The following GDF1 variants were observed in gnomAD, a reference collection of about 807,000 sequenced individuals.
The protein encoded by GDF1 is embryonic growth/differentiation factor 1.
In GDF1, 8 loss-of-function variants were observed where a neutral mutation model predicts 7.4. The ratio of observed to expected loss-of-function variants is 1.09; its 90% CI spans 0.64 to 1.96. The LOEUF is 1.96. GDF1 is among the 30% of genes most tolerant of loss of function. GDF1 has a pLI of 0.00. For synonymous variants in GDF1, 311 were observed against 276.7 expected (o/e 1.12, Z -1.23); for missense variants, 574 against 551.5 (o/e 1.04, Z -0.41).
intron 6 of GDF1, among the ~76,000 whole-genome samples, chr19:18,877,692 T>C (rs1426082119): frequency 6.8e-6 from 1 of 147,428 alleles, no homozygotes; most frequent in African/African-American, 2.5e-5. Flanking sequence ...GAGGCGGCGG[T>C]TGCAGCGAGC....
chr19:18,889,179 A>G (rs1332613890), intron 2 of GDF1, among the ~76,000 whole-genome samples: 6 of 152,052 alleles, frequency 3.9e-5, no homozygotes, highest in South Asian at 4.1e-4. Flanking sequence ...GGTGTGAGCC[A>G]CTGCACCCGG....
At position 18,890,992 on chromosome 19, in the gene GDF1, C is replaced by A. The variant is rs887270529; in HGVS notation, c.-914+2424G>T. On this transcript the variant is annotated intron_variant, in intron 2 of 7. Transcript: ENST00000247005. ...TACAAAAATTAGCCGAGGGTGGTGG[C>A]GCGTGCCTATAATTCCAGCTACTTA... 2.0e-5 allele frequency among the ~76,000 whole-genome samples: 3 copies of A among 151,912 alleles called. No homozygotes were observed. In the South Asian group the frequency reaches 6.2e-4, roughly 32 times the overall value.
chr19:18,884,273 G>T lies in GDF1; in HGVS notation c.-913-6C>A. The T allele has an allele frequency of 6.2e-7, 1 of 1,608,504 alleles. No homozygotes were observed. The highest frequency in any genetic ancestry group is 1.1e-5 in the South Asian group (1 of 90,498). Reference sequence around the variant, plus strand: ...TGCCATGCCCGGCGTCCAGTCTGGGGAGAGCCAAATCTCACAGTCAGGGCC... The same window carrying T: ...TGCCATGCCCGGCGTCCAGTCTGGGTAGAGCCAAATCTCACAGTCAGGGCC... On this transcript the variant is annotated splice_polypyrimidine_tract_variant and splice_region_variant and intron_variant, in intron 2 of 7. Transcript: ENST00000247005.
intron 7 of GDF1, among the ~76,000 whole-genome samples, chr19:18,869,751 C>T (rs1449721448): frequency 1.3e-5 from 2 of 151,920 alleles, no homozygotes; most frequent in African/African-American, 4.8e-5. Context: ...GGGGTGGGGA[C>T]AGGGCTTCAG....
chr19:18,885,066 C>T (rs2056316997), intron 2 of GDF1, among the ~76,000 whole-genome samples: 1 of 152,102 alleles, frequency 6.6e-6, no homozygotes, highest in African/African-American at 2.4e-5. Context: ...GAAAATTGAG[C>T]AGATAGGACA....
chr19:18,869,022 C>T lies in GDF1; in HGVS notation c.694G>A (p.Glu232Lys). ...AGGGTCACCAGCAGCAGCGAGGCCT[C>T]GGCCAGGCGCGCGCAGGCGGCAGGG... ...RAPAACARLA[E>K]ASLLLVTLDP... The change falls in exon 8 of 8, where the codon GAG becomes AAG. Residue 232 changes from glutamate to lysine, a missense_variant. Physicochemically the swap from Glu to Lys is moderately conservative, Grantham distance 56. Coordinates refer to ENST00000247005, the MANE Select transcript of GDF1 (RefSeq NM_001492.6). 9.2e-7 allele frequency: 1 copy of T among 1,081,954 alleles called. No individual in the cohort carries two copies. Among genetic ancestry groups the T allele is most frequent in the Non-Finnish European group, 1.1e-6 (1 of 893,102 alleles). 67.0% of individuals were successfully genotyped at this position (1,081,954 alleles called of 1,614,324 possible).
intron 1 of GDF1, among the ~76,000 whole-genome samples, 165 bp from the exon 2 acceptor site, chr19:18,893,740 C>T (rs909636005): frequency 7.9e-5 from 12 of 152,172 alleles, no homozygotes; most frequent in African/African-American, 2.9e-4. Context: ...CCCACAGGCG[C>T]CTGCCAAGGC....
rs763822282 is a variant in GDF1 at position 18,870,105 on chromosome 19, C to T, written c.203G>A (p.Arg68His). Reference protein sequence around the residue: ...VPPVMWRLFRRRDPQETRSGS... With the variant: ...VPPVMWRLFRHRDPQETRSGS... ...AGACCTGGTCTCCTGGGGGTCCCGGCGTCGAAACAGGCGCCACATGACCGG... is the reference window on the plus strand; with the variant it reads ...AGACCTGGTCTCCTGGGGGTCCCGGTGTCGAAACAGGCGCCACATGACCGG... Residue 68 changes from arginine (R) to histidine (H), a missense_variant, in exon 7 of 8, where the codon CGC becomes CAC. By Grantham distance (29) the Arg-to-His change is conservative (BLOSUM62 0). Coordinates refer to ENST00000247005, the MANE Select transcript of GDF1 (RefSeq NM_001492.6). The surrounding 1 kb of genome is among the most constrained non-coding windows in gnomAD (Gnocchi z 5.1). The T allele has an allele frequency of 3.4e-5, 54 of 1,569,316 alleles. No individual in the cohort carries two copies. Among genetic ancestry groups the T allele is most frequent in the Admixed American group, 2.4e-4 (13 of 55,160 alleles).
Position 18,870,423 on chromosome 19 carries a change from G to T in GDF1, c.-116C>A. 9.0e-7 allele frequency: 1 copy of T among 1,114,782 alleles called. No individual in the cohort carries two copies. The highest frequency in any genetic ancestry group is 1.3e-6 in the Non-Finnish European group (1 of 782,638). The allele number at this position is 1,114,782 out of a possible 1,614,324, so 69.1% of individuals were successfully genotyped here. A position where few individuals can be genotyped will look rare whatever the true frequency, so the allele number is the denominator to read the frequency against. ...CAGGGGTCCTGGGGGGCGTGGCCGG[G>T]AACTGGAGGCAGGATGAGGGGGCGG... On this transcript the variant is annotated 5_prime_UTR_variant, in exon 7 of 8. Coordinates refer to ENST00000247005, the MANE Select transcript of GDF1 (RefSeq NM_001492.6). This position sits in a 1 kb window ranked among gnomAD's most constrained non-coding sequence, Gnocchi z 5.1.
At chr19:18,879,433 GCCCTACCCAGT>G in intron 4 of GDF1, 45 bp from the exon 5 acceptor site, 1 of 1,544,760 alleles carries the variant, frequency 6.5e-7, no homozygotes, top group Non-Finnish European at 8.7e-7. Context: ...GGGGGACGGT[GCCCTACCCAGT>G]CCCTGTCCTA....
intron 2 of GDF1, among the ~76,000 whole-genome samples, chr19:18,892,421 T>C (rs1428130189): frequency 6.6e-6 from 1 of 151,884 alleles, no homozygotes; most frequent in Non-Finnish European, 1.5e-5. Flanking sequence ...GAGACCATCC[T>C]GGCTAACACG....
intron 6 of GDF1, among the ~76,000 whole-genome samples, chr19:18,875,213 G>C (rs1372428519): frequency 6.6e-6 from 1 of 151,482 alleles, no homozygotes; most frequent in African/African-American, 2.4e-5. Flanking sequence ...TCCAGCGTGG[G>C]CGACAGAGTG....
chr19:18,879,826 AC>A (rs1257387790), intron 4 of GDF1, among the ~76,000 whole-genome samples: 1 of 21,262 alleles, frequency 4.7e-5, no homozygotes, highest in Admixed American at 6.2e-4. Flanking sequence ...CCAAGCCCCC[AC>A]CTCCTTCCCT....
In GDF1 at chr19:18,870,276, T is replaced by C; in HGVS notation, c.32A>G (p.His11Arg). The C allele has an allele frequency of 1.3e-6, 2 of 1,547,912 alleles. No individual in the cohort carries two copies. Among genetic ancestry groups the C allele is most frequent in the Non-Finnish European group, 1.7e-6 (2 of 1,148,638 alleles). Residue 11 changes from histidine (H) to arginine (R), a missense_variant, in exon 7 of 8, where the codon CAC becomes CGC. Transcript: ENST00000247005. This position sits in a 1 kb window ranked among gnomAD's most constrained non-coding sequence, Gnocchi z 5.1. ...CAGGGCCAGGAGGAGGAGGAGGTGG[T>C]GGCCGCAGGGACCTTGCTGCGGCGG... Reference protein sequence around the residue: MPPPQQGPCGHHLLLLLALLL... With the variant: MPPPQQGPCGRHLLLLLALLL...
intron 6 of GDF1, among the ~76,000 whole-genome samples, chr19:18,874,583 G>A (rs1047849301): frequency 6.6e-6 from 1 of 152,208 alleles, no homozygotes; most frequent in African/African-American, 2.4e-5. Context: ...GTGTCTCAAC[G>A]GATGGCCGGT....
intron 7 of GDF1, among the ~76,000 whole-genome samples, 158 bp downstream of exon 7, chr19:18,869,822 TGAC>T (rs140310094): frequency 0.011 from 1,635 of 152,026 alleles, 34 homozygotes; most frequent in African/African-American, 0.038. Flanking sequence ...GTGCAGCAGA[TGAC>T]GAGGAAAGGG....
intron 2 of GDF1, among the ~76,000 whole-genome samples, chr19:18,892,186 T>A (rs2146067654): frequency 6.6e-6 from 1 of 151,516 alleles, no homozygotes; most frequent in African/African-American, 2.4e-5. Flanking sequence ...GCGTGAGCCA[T>A]CGCACCAGGC....
chr19:18,869,510 G>A, intron 7 of GDF1, 120 bp from the exon 8 acceptor site: 28 of 1,341,132 alleles, frequency 2.1e-5, no homozygotes, highest in Non-Finnish European at 2.7e-5. Flanking sequence ...CTGTGGGAAG[G>A]GTGTGAAGCG....
At chr19:18,889,960 C>T (rs774282010) in intron 2 of GDF1, among the ~76,000 whole-genome samples, 94 of 152,192 alleles carry the variant, frequency 6.2e-4, no homozygotes, top group African/African-American at 2.2e-3. Flanking sequence ...GCTCCCATCC[C>T]CTCCCCTCAG....
Sources: gnomAD v4.1 joint callset for allele counts (sites outside exome capture counted in the v4.1 genomes callset) on GRCh38, gnomAD v4.1.1 for gene constraint, Gnocchi (gnomAD v3.1) non-coding constraint, MANE v1.5 for transcripts, NCBI Gene and HGNC (gene_info 2026-07-23, HGNC 2026-07-21) for gene names.